Variants in ZDHHC14 observed in about 807,000 individuals in gnomAD.
ZDHHC14 encodes the protein zDHHC palmitoyltransferase 14.
In ZDHHC14, 16 loss-of-function variants were observed where a neutral mutation model predicts 47.7. The observed-to-expected ratio is 0.34, with a 90% CI of 0.23 to 0.51. ZDHHC14 has a LOEUF of 0.51. ZDHHC14 is among the 20% of genes least tolerant of loss of function. The pLI, the probability that ZDHHC14 is intolerant of heterozygous loss-of-function variation, is 0.97. For synonymous variants in ZDHHC14, 293 were observed against 278.9 expected, an observed-to-expected ratio of 1.05 and a Z score of -0.50; for missense variants, 515 against 662.5, an observed-to-expected ratio of 0.78 and a Z score of 2.44.
chr6:157,549,878 T>C (rs1370132009), intron 2 of ZDHHC14, among the ~76,000 whole-genome samples: 4 of 152,234 alleles, frequency 2.6e-5, no homozygotes, highest in Non-Finnish European at 5.9e-5. Context: ...GAATGTACCA[T>C]GTGTTGGAAT....
At chr6:157,600,801 C>G (rs529137623) in intron 3 of ZDHHC14, among the ~76,000 whole-genome samples, 1 of 152,110 alleles carries the variant, frequency 6.6e-6, no homozygotes, top group Non-Finnish European at 1.5e-5. Flanking sequence ...TCCCCTCACA[C>G]CCCCCGGGTT....
chr6:157,415,540 A>AT (rs928812374), intron 1 of ZDHHC14, among the ~76,000 whole-genome samples: 20 of 152,070 alleles, frequency 1.3e-4, no homozygotes, highest in Non-Finnish European at 1.9e-4. Flanking sequence ...GATGATGTCC[A>AT]TTTTTTTTCT....
intron 2 of ZDHHC14, among the ~76,000 whole-genome samples, chr6:157,565,075 C>A (rs1042356616): frequency 3.0e-4 from 45 of 152,046 alleles, no homozygotes; most frequent in African/African-American, 1.0e-3. Flanking sequence ...TGAAACCCCA[C>A]CTCTACTAAA....
At position 157,677,678 on chromosome 6, in the gene ZDHHC14, G is replaced by T. The variant is rs968164542; in HGVS notation, c.*4556G>T. Reference sequence around the variant, plus strand: ...TTGCAGAGACTTTTCTACCCAGGAAGTGTTGAATTTTTAAAAGAAACTTGA... The same window carrying T: ...TTGCAGAGACTTTTCTACCCAGGAATTGTTGAATTTTTAAAAGAAACTTGA... On this transcript the variant is annotated 3_prime_UTR_variant, in exon 9 of 9. Transcript: ENST00000359775. 10 of 152,168 alleles carry T rather than the reference G, an allele frequency of 6.6e-5. No homozygotes were observed. The highest frequency in any genetic ancestry group is 2.2e-4 in the African/African-American group (9 of 41,432). The allele number at this position is 152,168 out of a possible 1,614,324, so 9.4% of individuals were successfully genotyped here. A position where few individuals can be genotyped will look rare whatever the true frequency, so the allele number is the denominator to read the frequency against.
chr6:157,588,514 C>T (rs540603332), intron 2 of ZDHHC14, among the ~76,000 whole-genome samples: 55 of 152,282 alleles, frequency 3.6e-4, no homozygotes, highest in African/African-American at 1.2e-3. Flanking sequence ...CATTCCTTTT[C>T]GAGCCCCTGA....
In ZDHHC14 at chr6:157,645,788, C is replaced by T; in HGVS notation, c.804C>T (p.Leu268=). 6.2e-7 allele frequency: 1 copy of T among 1,614,016 alleles called. No homozygotes were observed. Residue 268 remains leucine, a synonymous_variant, in exon 6 of 9, where the codon CTC becomes CTT. Coordinates refer to ENST00000359775, the MANE Select transcript of ZDHHC14 (RefSeq NM_024630.3). ...TCTCTGTCTGGTCCATCGTTGGCCTCTCAGGATTCCACACCTACTTGATCA... is the reference window on the plus strand; with the variant it reads ...TCTCTGTCTGGTCCATCGTTGGCCTTTCAGGATTCCACACCTACTTGATCA... ...CFFSVWSIVG[L]SGFHTYLISS...
chr6:157,596,715 C>T (rs1425122455), intron 3 of ZDHHC14, among the ~76,000 whole-genome samples: 2 of 152,066 alleles, frequency 1.3e-5, no homozygotes, highest in Admixed American at 1.3e-4. Context: ...TGGATGTGAT[C>T]CTAGTGCTAC....
chr6:157,513,710 T>C (rs1780577328), intron 1 of ZDHHC14, among the ~76,000 whole-genome samples: 1 of 152,272 alleles, frequency 6.6e-6, no homozygotes, highest in African/African-American at 2.4e-5. Context: ...GATTATGATA[T>C]GATTGTCACC....
intron 1 of ZDHHC14, among the ~76,000 whole-genome samples, chr6:157,485,001 GCAGGAGAAGCGCTTGAA>G (rs1009085050): frequency 1.3e-5 from 2 of 152,204 alleles, no homozygotes; most frequent in African/African-American, 4.8e-5. Context: ...GGAGGCTGAG[GCAGGAGAAGCGCTTGAA>G]CCTGGGAGGC....
At chr6:157,521,672 C>T (rs1239928184) in intron 1 of ZDHHC14, among the ~76,000 whole-genome samples, 2 of 152,188 alleles carry the variant, frequency 1.3e-5, no homozygotes, top group African/African-American at 4.8e-5. Context: ...ATCGCATTGG[C>T]GGTTAGGATG....
intron 1 of ZDHHC14, among the ~76,000 whole-genome samples, chr6:157,491,730 C>T (rs1032977329): frequency 1.2e-4 from 19 of 152,272 alleles, no homozygotes; most frequent in South Asian, 4.1e-4. Flanking sequence ...ACTAACAGGA[C>T]GCCTTATTGA....
intron 7 of ZDHHC14, among the ~76,000 whole-genome samples, chr6:157,649,934 C>T (rs897422050): frequency 2.0e-5 from 3 of 151,206 alleles, no homozygotes; most frequent in Non-Finnish European, 1.5e-5. Context: ...GAGCCAGTTC[C>T]GTGCCAGGCG....
intron 8 of ZDHHC14, among the ~76,000 whole-genome samples, chr6:157,669,510 G>A (rs1429350861): frequency 6.6e-6 from 1 of 152,190 alleles, no homozygotes; most frequent in Non-Finnish European, 1.5e-5. Flanking sequence ...GACCTTGACT[G>A]TCTCCTCCAG....
intron 8 of ZDHHC14, 63 bp from the exon 9 acceptor site, chr6:157,672,659 CTG>C: frequency 1.5e-6 from 2 of 1,342,378 alleles, no homozygotes; most frequent in South Asian, 1.3e-5. Context: ...GTCCCCATCC[CTG>C]TCCCTCCCCA....
chr6:157,623,239 G>A (rs2114942187), intron 3 of ZDHHC14, among the ~76,000 whole-genome samples: 1 of 152,236 alleles, frequency 6.6e-6, no homozygotes, highest in South Asian at 2.1e-4. Context: ...GGTGGGAGGA[G>A]CTGGTGGGAG....
chr6:157,491,189 G>A (rs759679110), intron 1 of ZDHHC14, among the ~76,000 whole-genome samples: 1 of 152,212 alleles, frequency 6.6e-6, no homozygotes, highest in Admixed American at 6.5e-5. Flanking sequence ...GTATGCGGCC[G>A]CCCTGCAGGG....
chr6:157,570,069 C>G (rs1269719285), intron 2 of ZDHHC14, among the ~76,000 whole-genome samples: 1 of 152,142 alleles, frequency 6.6e-6, no homozygotes, highest in Non-Finnish European at 1.5e-5. Flanking sequence ...AATAGCATCC[C>G]CTGCTTCTGT....
intron 7 of ZDHHC14, 24 bp downstream of exon 7, chr6:157,647,392 T>G (rs1777611110): frequency 6.3e-7 from 1 of 1,581,626 alleles, no homozygotes; most frequent in East Asian, 2.3e-5. Context: ...CGCATCGTGC[T>G]CTTCAACAGA....
At chr6:157,424,976 A>G (rs944906365) in intron 1 of ZDHHC14, among the ~76,000 whole-genome samples, 3 of 152,198 alleles carry the variant, frequency 2.0e-5, no homozygotes, top group Non-Finnish European at 4.4e-5. Context: ...AGCCAGAGGG[A>G]GCTTTTCATA....
Sources: allele counts gnomAD v4.1 joint callset (sites outside exome capture counted in the v4.1 genomes callset), GRCh38; gene constraint gnomAD v4.1.1; transcripts MANE v1.5; gene names NCBI Gene and HGNC (gene_info 2026-07-23, HGNC 2026-07-21).